Variants in CCNY observed in about 807,000 individuals in gnomAD.
The protein encoded by CCNY is cyclin Y.
In CCNY, 19 loss-of-function variants were observed where a neutral mutation model predicts 42.8. The ratio of observed to expected loss-of-function variants is 0.44; its 90% CI spans 0.31 to 0.65. CCNY has a LOEUF of 0.65. Ranked by LOEUF, CCNY falls within the 30% of genes least tolerant of loss-of-function variation. The probability of loss-of-function intolerance (pLI) is 0.07; values close to 1 mark genes in which losing one functional copy is unlikely to be tolerated. For synonymous variants in CCNY, 165 were observed against 162.7 expected, an observed-to-expected ratio of 1.01 and a Z score of -0.11; for missense variants, 370 against 437.3, an observed-to-expected ratio of 0.85 and a Z score of 1.37.
intron 2 of CCNY, among the ~76,000 whole-genome samples, chr10:35,487,084 T>A (rs908968262): frequency 6.6e-6 from 1 of 152,246 alleles, no homozygotes; most frequent in African/African-American, 2.4e-5. Context: ...CCTGACTGGT[T>A]GAAAGAAGGA....
intron 3 of CCNY, among the ~76,000 whole-genome samples, chr10:35,310,075 C>T (rs1589029238): frequency 1.3e-5 from 2 of 152,168 alleles, no homozygotes; most frequent in African/African-American, 2.4e-5. Context: ...GCTGGGATTA[C>T]AGGCACGAGC....
At chr10:35,484,702 A>AC (rs1839747076) in intron 2 of CCNY, among the ~76,000 whole-genome samples, 1 of 152,156 alleles carries the variant, frequency 6.6e-6, no homozygotes, top group African/African-American at 2.4e-5. Flanking sequence ...GAGGGTCAAA[A>AC]CCAAGTTTTG....
At chr10:35,419,561 G>A (rs1838112533) in intron 1 of CCNY, among the ~76,000 whole-genome samples, 1 of 134,474 alleles carries the variant, frequency 7.4e-6, no homozygotes, top group African/African-American at 3.4e-5. Flanking sequence ...CAATCTGGAG[G>A]ATTTTTAAGG....
intron 3 of CCNY, among the ~76,000 whole-genome samples, chr10:35,254,798 T>C (rs2135024667): frequency 7.9e-6 from 1 of 126,204 alleles, no homozygotes; most frequent in Non-Finnish European, 1.5e-5. Flanking sequence ...GCCACTGCAC[T>C]CCAGTCTGGG....
At chr10:35,439,548 CAA>C (rs1043624940) in intron 1 of CCNY, among the ~76,000 whole-genome samples, 11 of 147,910 alleles carry the variant, frequency 7.4e-5, no homozygotes, top group African/African-American at 2.5e-4. Flanking sequence ...TTTTTTGTTT[CAA>C]GTGTGTGTGT....
rs751184625 is a variant in CCNY, at chr10:35,530,634, C to T, written c.579+391C>T. 6.6e-6 allele frequency among the ~76,000 whole-genome samples: 1 copy of T among 152,154 alleles called. No homozygotes were observed. The highest frequency in any genetic ancestry group is 1.5e-5 in the Non-Finnish European group (1 of 68,038). ...TAGTATTAGTAAGATATGATGAATA[C>T]ATTCATCTTATATGAACACTTGTCT... On this transcript the variant is annotated intron_variant, in intron 7 of 9. Transcript: ENST00000374704. The surrounding 1 kb of genome is among the most constrained non-coding windows in gnomAD (Gnocchi z 4.3).
chr10:35,536,296 G>C (rs1048300253), intron 7 of CCNY, among the ~76,000 whole-genome samples: 6 of 152,080 alleles, frequency 3.9e-5, no homozygotes, highest in African/African-American at 1.4e-4. Context: ...GGCCTCCCCA[G>C]CCATGTGGAA....
At chr10:35,269,867 A>T (rs1040044007) in intron 3 of CCNY, among the ~76,000 whole-genome samples, 10 of 151,988 alleles carry the variant, frequency 6.6e-5, no homozygotes, top group African/African-American at 2.2e-4. Flanking sequence ...TGACCTAGTG[A>T]TCCACCTGCC....
chr10:35,474,566 A>G (rs372038777), intron 1 of CCNY, among the ~76,000 whole-genome samples: 4 of 152,128 alleles, frequency 2.6e-5, no homozygotes, highest in South Asian at 2.1e-4. Context: ...GGGTACTCCA[A>G]CAGACCTGCA....
chr10:35,447,347 A>C (rs185702408), intron 1 of CCNY, among the ~76,000 whole-genome samples: 116 of 152,348 alleles, frequency 7.6e-4, no homozygotes, highest in Middle Eastern at 3.4e-3. Context: ...AGGACTTTCA[A>C]ATGTAATCAT....
intron 3 of CCNY, among the ~76,000 whole-genome samples, chr10:35,515,616 A>G (rs900875993): frequency 6.6e-6 from 1 of 152,178 alleles, no homozygotes; most frequent in African/African-American, 2.4e-5. Context: ...TGTTGCTGAA[A>G]ATGACACTTA....
At chr10:35,569,006 A>G (rs775517655) in intron 9 of CCNY, 48 bp from the exon 10 acceptor site, 3 of 1,247,938 alleles carry the variant, frequency 2.4e-6, no homozygotes, top group Non-Finnish European at 3.5e-6. Flanking sequence ...TGAGCAATGG[A>G]CGCAGATATG....
Position 35,380,074 on chromosome 10 carries a change from T to A in CCNY, c.154+42867T>A, listed in dbSNP as rs140587349. Among the ~76,000 whole-genome samples the A allele has an allele frequency of 1.4e-3, 209 of 152,292 alleles. 4 individuals are homozygous for A. The East Asian group carries it at 0.036, about 27-fold the overall frequency. On this transcript the variant is annotated intron_variant, in intron 1 of 9. Transcript: ENST00000374704. Reference sequence around the variant, plus strand: ...CTTGGAACACTGTCCCAGATATTGGTTAGGTTACACTTGGAAGATGTTGTT... The same window carrying A: ...CTTGGAACACTGTCCCAGATATTGGATAGGTTACACTTGGAAGATGTTGTT...
intron 1 of CCNY, among the ~76,000 whole-genome samples, chr10:35,371,292 G>A (rs1054988100): frequency 2.0e-5 from 3 of 152,132 alleles, no homozygotes; most frequent in African/African-American, 4.8e-5. Context: ...TATTTAACTT[G>A]GACTCTCAAG....
intron 1 of CCNY, among the ~76,000 whole-genome samples, chr10:35,348,356 C>A (rs1178774991): frequency 1.3e-5 from 2 of 152,198 alleles, no homozygotes; most frequent in Non-Finnish European, 2.9e-5. Flanking sequence ...AGGATGATGC[C>A]AGGCATAACC....
chr10:35,405,415 A>ATTTT (rs2135236635), intron 1 of CCNY, among the ~76,000 whole-genome samples: 1 of 152,262 alleles, frequency 6.6e-6, no homozygotes, highest in South Asian at 2.1e-4. Flanking sequence ...CTGGGGCAAA[A>ATTTT]GGTGGCAGTG....
intron 2 of CCNY, among the ~76,000 whole-genome samples, chr10:35,499,820 C>T (rs567659932): frequency 1.2e-4 from 18 of 152,266 alleles, no homozygotes; most frequent in South Asian, 4.1e-4. Context: ...AAAGGGTTTC[C>T]GGGTCCCTTC....
intron 1 of CCNY, among the ~76,000 whole-genome samples, chr10:35,247,422 A>C (rs1405813595): frequency 6.6e-6 from 1 of 151,772 alleles, no homozygotes; most frequent in Admixed American, 6.6e-5. Context: ...CTGTGTCTAC[A>C]AAAAGTTTAA....
chr10:35,353,290 A>T (rs1836467440), intron 1 of CCNY, among the ~76,000 whole-genome samples: 1 of 152,180 alleles, frequency 6.6e-6, no homozygotes, highest in African/African-American at 2.4e-5. Context: ...TTAGTCCCCA[A>T]AGATTTAATG....
Sources: gnomAD v4.1 joint callset for allele counts (sites outside exome capture counted in the v4.1 genomes callset) on GRCh38, gnomAD v4.1.1 for gene constraint, Gnocchi (gnomAD v3.1) non-coding constraint, MANE v1.5 for transcripts, NCBI Gene and HGNC (gene_info 2026-07-23, HGNC 2026-07-21) for gene names.